The following NAALADL2 variants were observed in gnomAD, a reference collection of about 807,000 sequenced individuals.
The protein encoded by NAALADL2 is inactive N-acetylated-alpha-linked acidic dipeptidase-like protein 2.
NAALADL2 carries 76 observed loss-of-function variants against 87.2 expected under a neutral mutation model. The ratio of observed to expected loss-of-function variants is 0.87; its 90% CI spans 0.72 to 1.05. The LOEUF is 1.05. NAALADL2 is among the 50% of genes least tolerant of loss of function. The pLI, the probability that NAALADL2 is intolerant of heterozygous loss-of-function variation, is 0.00. For missense variants in NAALADL2, 1,089 were observed against 945.8 expected, an observed-to-expected ratio of 1.15 and a Z score of -1.99; for synonymous variants, 354 against 331.0, an observed-to-expected ratio of 1.07 and a Z score of -0.75.
intron 1 of NAALADL2, among the ~76,000 whole-genome samples, chr3:175,047,234 GA>G (rs1754794753): frequency 6.6e-6 from 1 of 152,130 alleles, no homozygotes; most frequent in South Asian, 2.1e-4. Flanking sequence ...CTGGAGGGGG[GA>G]CAATTGTTTT....
At chr3:174,453,559 A>G (rs1559993771) in intron 1 of NAALADL2, among the ~76,000 whole-genome samples, 1 of 152,232 alleles carries the variant, frequency 6.6e-6, no homozygotes, top group Admixed American at 6.5e-5. Context: ...TCAGCTAACA[A>G]TGGACATTTC....
intron 1 of NAALADL2, among the ~76,000 whole-genome samples, chr3:175,033,664 C>T (rs1753048808): frequency 1.3e-5 from 2 of 152,048 alleles, no homozygotes. Flanking sequence ...TGCCTAATAT[C>T]CTGGATACCA....
At chr3:175,187,089 G>T (rs1277998724) in intron 2 of NAALADL2, among the ~76,000 whole-genome samples, 2 of 152,088 alleles carry the variant, frequency 1.3e-5, no homozygotes, top group South Asian at 4.1e-4. Flanking sequence ...CAATTGTCAA[G>T]GCCCTGATGA....
intron 2 of NAALADL2, among the ~76,000 whole-genome samples, chr3:174,683,969 A>G (rs1399052830): frequency 1.3e-5 from 2 of 151,926 alleles, no homozygotes; most frequent in Non-Finnish European, 2.9e-5. Context: ...TTAATTTTTA[A>G]TTTAACTTTT....
intron 5 of NAALADL2, among the ~76,000 whole-genome samples, chr3:175,399,441 T>C (rs1220242800): frequency 6.6e-6 from 1 of 152,120 alleles, no homozygotes; most frequent in Non-Finnish European, 1.5e-5. Flanking sequence ...CATAGACAGA[T>C]CAGCCCTGTG....
intron 4 of NAALADL2, among the ~76,000 whole-genome samples, chr3:175,317,401 A>C (rs1363397651): frequency 6.6e-6 from 1 of 151,778 alleles, no homozygotes; most frequent in Non-Finnish European, 1.5e-5. Context: ...TGTGGAAGAC[A>C]TCACTCATAG....
chr3:175,196,632 G>T (rs1354490588), intron 2 of NAALADL2, among the ~76,000 whole-genome samples: 1 of 151,878 alleles, frequency 6.6e-6, no homozygotes, highest in African/African-American at 2.4e-5. Context: ...TTATTCTATA[G>T]ATATGCCTTT....
chr3:175,221,758 GTTATTTAT>G (rs58596469), intron 2 of NAALADL2, among the ~76,000 whole-genome samples: 11 of 149,088 alleles, frequency 7.4e-5, no homozygotes, highest in Admixed American at 2.7e-4. Flanking sequence ...ATATTCAGTG[GTTATTTAT>G]TTATTTATTT....
At chr3:175,110,011 C>T (rs1723910546) in intron 2 of NAALADL2, among the ~76,000 whole-genome samples, 1 of 151,782 alleles carries the variant, frequency 6.6e-6, no homozygotes, top group Non-Finnish European at 1.5e-5. Context: ...ATTGAAAGTA[C>T]AGTAATTTAT....
At chr3:175,484,184 A>G (rs2149327094) in intron 9 of NAALADL2, among the ~76,000 whole-genome samples, 1 of 152,278 alleles carries the variant, frequency 6.6e-6, no homozygotes, top group African/African-American at 2.4e-5. Context: ...TTTATCTGTT[A>G]GGAAAACACA....
intron 1 of NAALADL2, among the ~76,000 whole-genome samples, chr3:175,087,880 C>A (rs1450834553): frequency 5.4e-5 from 8 of 149,400 alleles, no homozygotes; most frequent in Non-Finnish European, 8.9e-5. Flanking sequence ...TCCCCCTCTG[C>A]GAGAAACACC....
intron 2 of NAALADL2, among the ~76,000 whole-genome samples, chr3:175,131,557 T>G (rs184500337): frequency 4.6e-5 from 7 of 152,150 alleles, no homozygotes; most frequent in African/African-American, 1.4e-4. Context: ...TACACAGACA[T>G]GGCAACCATC....
At chr3:175,504,936 G>A (rs918111392) in intron 9 of NAALADL2, among the ~76,000 whole-genome samples, 1 of 152,096 alleles carries the variant, frequency 6.6e-6, no homozygotes, top group Non-Finnish European at 1.5e-5. Context: ...AGGATGTGAC[G>A]GCAGCAAATG....
chr3:174,770,805 C>G (rs1714440617), intron 3 of NAALADL2, among the ~76,000 whole-genome samples: 1 of 150,846 alleles, frequency 6.6e-6, no homozygotes, highest in Admixed American at 6.6e-5. Context: ...TGCCACTACA[C>G]TCCATGCACT....
intron 3 of NAALADL2, among the ~76,000 whole-genome samples, chr3:174,809,363 T>C (rs114253797): frequency 0.072 from 10,919 of 152,194 alleles, 443 homozygotes; most frequent in Middle Eastern, 0.12. Flanking sequence ...AATAAAACTT[T>C]TGTATAAAGT....
chr3:175,055,259 G>A (rs7612451), intron 1 of NAALADL2, among the ~76,000 whole-genome samples: 12,251 of 152,064 alleles, frequency 0.081, 1,629 homozygotes, highest in African/African-American at 0.28. Flanking sequence ...TGTGCTATAC[G>A]CTCTCCTGGC....
rs189844183 is a variant in NAALADL2, at chr3:175,026,304, G to A, written c.44-70486G>A. Among the ~76,000 whole-genome samples the A allele has an allele frequency of 1.3e-4, 20 of 151,806 alleles. No homozygotes were observed. The East Asian group carries it at 3.3e-3, about 25-fold the overall frequency. Reference sequence around the variant, plus strand: ...GAGACTAGTAAAATGTTTGAAGATGGAAAAAACAAATATTGTGCCACAAGT... The same window carrying A: ...GAGACTAGTAAAATGTTTGAAGATGAAAAAAACAAATATTGTGCCACAAGT... On this transcript the variant is annotated intron_variant, in intron 1 of 13. Coordinates refer to ENST00000454872, the MANE Select transcript of NAALADL2 (RefSeq NM_207015.3).
intron 5 of NAALADL2, among the ~76,000 whole-genome samples, chr3:175,413,122 C>T (rs914450331): frequency 7.0e-6 from 1 of 143,340 alleles, no homozygotes; most frequent in African/African-American, 2.6e-5. Context: ...ATCTCCTGAC[C>T]TCGTGATCTG....
intron 1 of NAALADL2, among the ~76,000 whole-genome samples, chr3:175,069,467 A>C (rs1361972276): frequency 2.7e-5 from 4 of 149,740 alleles, no homozygotes; most frequent in Non-Finnish European, 5.9e-5. Flanking sequence ...ATGAGATACC[A>C]TCTCACACCA....
Sources: gnomAD v4.1 joint callset for allele counts (sites outside exome capture counted in the v4.1 genomes callset) on GRCh38, gnomAD v4.1.1 for gene constraint, MANE v1.5 for transcripts, NCBI Gene and HGNC (gene_info 2026-07-23, HGNC 2026-07-21) for gene names.